The following KIAA1549 variants were observed in gnomAD, a reference collection of about 807,000 sequenced individuals.
KIAA1549 encodes KIAA1549.
Under a neutral mutation model 156.4 loss-of-function variants are expected in KIAA1549, and 70 were observed. The observed-to-expected ratio is 0.45, with a 90% confidence interval of 0.37 to 0.55. The LOEUF is 0.55. Ranked by LOEUF, KIAA1549 falls within the 20% of genes least tolerant of loss-of-function variation. The pLI, the probability that KIAA1549 is intolerant of heterozygous loss-of-function variation, is 0.00. For missense variants in KIAA1549, 2,428 were observed against 2,540.9 expected (o/e 0.96, Z 0.96); for synonymous variants, 1,103 against 1,066.4 (o/e 1.03, Z -0.67).
chr7:138,957,779 A>C (rs1236635327), intron 1 of KIAA1549, among the ~76,000 whole-genome samples: 3 of 152,070 alleles, frequency 2.0e-5, no homozygotes, highest in African/African-American at 7.2e-5. Context: ...CACCCAGTCA[A>C]CTTTCCTAAA....
chr7:138,857,454 T>C (rs190331143), intron 16 of KIAA1549, among the ~76,000 whole-genome samples: 8 of 152,342 alleles, frequency 5.3e-5, no homozygotes, highest in African/African-American at 1.9e-4. Context: ...CCTGGATAAA[T>C]ACTTAGCAAT....
In KIAA1549 at chr7:138,914,288, C is replaced by G. The variant is rs973084138; in HGVS notation, c.2879-1828G>C. Among the ~76,000 whole-genome samples the G allele has an allele frequency of 4.7e-4, 71 of 152,302 alleles. 1 individual carries two copies. The highest frequency in any genetic ancestry group is 1.6e-3 in the African/African-American group (65 of 41,562). On this transcript the variant is annotated intron_variant, in intron 2 of 19. Transcript: ENST00000422774. ...AACATTAGGATATGAGGACACCAGT[C>G]TTTGGGAAAAGGGATCATCAGCAAA...
At chr7:138,920,963 G>A (rs922010547) in intron 1 of KIAA1549, among the ~76,000 whole-genome samples, 4 of 152,204 alleles carry the variant, frequency 2.6e-5, no homozygotes, top group African/African-American at 9.6e-5. Context: ...TGGATGGCCT[G>A]CAAGACAGTA....
chr7:138,890,246 A>G (rs1811510079), intron 10 of KIAA1549, among the ~76,000 whole-genome samples: 1 of 152,196 alleles, frequency 6.6e-6, no homozygotes, highest in Non-Finnish European at 1.5e-5. Context: ...CCATAAATAC[A>G]GTACAGCCCA....
At position 138,918,231 on chromosome 7, in the gene KIAA1549, A is replaced by G; in HGVS notation, c.1395T>C (p.Ser465=). The change falls in exon 2 of 20, where the codon AGT becomes AGC. Residue 465 remains serine, a synonymous_variant. Coordinates refer to ENST00000422774, the MANE Select transcript of KIAA1549 (RefSeq NM_001164665.2). The surrounding 1 kb of genome is among the most constrained non-coding windows in gnomAD (Gnocchi z 4.2). ...VLEESSISLM[S]SVVADFSEFE... Reference sequence around the variant, plus strand: ...ATTCAGAGAAGTCTGCTACGACGCTACTCATTAGAGAGATGCTGCTTTCTT... The same window carrying G: ...ATTCAGAGAAGTCTGCTACGACGCTGCTCATTAGAGAGATGCTGCTTTCTT... 5.6e-6 allele frequency: 9 copies of G among 1,613,960 alleles called. No individual in the cohort carries two copies. The highest frequency in any genetic ancestry group is 6.8e-6 in the Non-Finnish European group (8 of 1,179,850).
chr7:138,867,136 A>G (rs939210739), intron 15 of KIAA1549, among the ~76,000 whole-genome samples: 1 of 152,208 alleles, frequency 6.6e-6, no homozygotes. Flanking sequence ...CTCCCATAAA[A>G]GCAAAATATA....
intron 19 of KIAA1549, 138 bp downstream of exon 19, chr7:138,839,995 T>C: frequency 3.0e-6 from 2 of 662,534 alleles, no homozygotes; most frequent in Non-Finnish European, 4.8e-6. Context: ...TTTCACTACA[T>C]TGGCCAGGCT....
intron 10 of KIAA1549, among the ~76,000 whole-genome samples, chr7:138,889,755 C>T (rs1305363313): frequency 6.6e-6 from 1 of 152,144 alleles, no homozygotes; most frequent in Non-Finnish European, 1.5e-5. Context: ...CCTTCTATAC[C>T]AATAGAAATT....
At chr7:138,900,901 A>G (rs1227113087) in intron 8 of KIAA1549, among the ~76,000 whole-genome samples, 1 of 152,064 alleles carries the variant, frequency 6.6e-6, no homozygotes, top group Non-Finnish European at 1.5e-5. Context: ...AGCCAAATAA[A>G]CCTCTTTTCT....
chr7:138,969,091 A>C (rs554426941), intron 1 of KIAA1549, among the ~76,000 whole-genome samples: 2 of 152,060 alleles, frequency 1.3e-5, no homozygotes, highest in East Asian at 3.9e-4. Context: ...CCACCATCCA[A>C]CTCAAGGAGG....
intron 1 of KIAA1549, among the ~76,000 whole-genome samples, chr7:138,968,683 T>A (rs2130568387): frequency 6.7e-6 from 1 of 149,966 alleles, no homozygotes; most frequent in Non-Finnish European, 1.5e-5. Flanking sequence ...CCGTCTCTAC[T>A]AAAAATACAA....
In KIAA1549 at chr7:138,832,190, C is replaced by CTTTTTTTTTTTTTTTTTT. The variant is rs1563039449; in HGVS notation, c.*5715_*5716insAAAAAAAAAAAAAAAAAA. On this transcript the variant is annotated 3_prime_UTR_variant, in exon 20 of 20. Coordinates refer to ENST00000422774, the MANE Select transcript of KIAA1549 (RefSeq NM_001164665.2). Reference sequence around the variant, plus strand: ...TTCACCTCTGTCCCTTTTACCTATTCCTTTTTTTTTTTTTTTTTTTTCCAG... The same window carrying CTTTTTTTTTTTTTTTTTT: ...TTCACCTCTGTCCCTTTTACCTATTCTTTTTTTTTTTTTTTTTTCTTTTTTTTTTTTTTTTTTTTCCAG... 9.7e-3 allele frequency: 1,642 copies of CTTTTTTTTTTTTTTTTTT among 169,232 alleles called. 130 individuals carry two copies. The highest frequency in any genetic ancestry group is 0.028 in the South Asian group (117 of 4,122). 10.5% of individuals were successfully genotyped at this position (169,232 alleles called of 1,614,324 possible). A position where few individuals can be genotyped will look rare whatever the true frequency, so the allele number is the denominator to read the frequency against.
chr7:138,893,203 G>C (rs1002937025), intron 10 of KIAA1549, among the ~76,000 whole-genome samples: 1 of 152,202 alleles, frequency 6.6e-6, no homozygotes, highest in African/African-American at 2.4e-5. Flanking sequence ...CACTTAAGTT[G>C]AATGCTTTGG....
chr7:138,980,938 A>G, intron 1 of KIAA1549, 145 bp downstream of exon 1: 1 of 753,260 alleles, frequency 1.3e-6, no homozygotes, highest in Non-Finnish European at 1.7e-6. Flanking sequence ...GGGCCCCAGA[A>G]GAATGGCAAA....
At chr7:138,962,774 T>C (rs1314592785) in intron 1 of KIAA1549, among the ~76,000 whole-genome samples, 1 of 152,132 alleles carries the variant, frequency 6.6e-6, no homozygotes, top group East Asian at 1.9e-4. Context: ...TAATAAACCA[T>C]TACTGTTTTC....
chr7:138,938,022 T>C (rs1434860713), intron 1 of KIAA1549, among the ~76,000 whole-genome samples: 1 of 152,144 alleles, frequency 6.6e-6, no homozygotes, highest in Admixed American at 6.5e-5. Context: ...AAAATTCATA[T>C]GTTGAAACCT....
intron 1 of KIAA1549, among the ~76,000 whole-genome samples, chr7:138,922,415 G>A (rs1270464401): frequency 6.6e-6 from 1 of 151,928 alleles, no homozygotes; most frequent in East Asian, 1.9e-4. Flanking sequence ...AAAGTCAAGA[G>A]AAATCCCATG....
chr7:138,919,555 A>C, intron 1 of KIAA1549, 117 bp from the exon 2 acceptor site: 2 of 1,484,228 alleles, frequency 1.3e-6, no homozygotes, highest in South Asian at 1.4e-5. Context: ...ATAAATATCC[A>C]TGAATCACCG....
chr7:138,857,490 A>G (rs1810427940), intron 16 of KIAA1549, among the ~76,000 whole-genome samples: 2 of 152,148 alleles, frequency 1.3e-5, no homozygotes, highest in African/African-American at 4.8e-5. Context: ...ACGGTAGGAT[A>G]TATGTTTAAC....
Sources: gnomAD v4.1 joint callset for allele counts (sites outside exome capture counted in the v4.1 genomes callset) on GRCh38, gnomAD v4.1.1 for gene constraint, Gnocchi (gnomAD v3.1) non-coding constraint, MANE v1.5 for transcripts, NCBI Gene and HGNC (gene_info 2026-07-23, HGNC 2026-07-21) for gene names.